The following CEP89 variants were observed in gnomAD, a reference collection of about 807,000 sequenced individuals.
CEP89 encodes the protein centrosomal protein 89, also known as centrosomal protein of 89 kDa.
Under a neutral mutation model 97.6 loss-of-function variants are expected in CEP89, and 95 were observed. The ratio of observed to expected loss-of-function variants is 0.97; its 90% CI spans 0.82 to 1.15. The LOEUF is 1.15. Among genes scored for constraint, CEP89 ranks in the 50% most tolerant of loss-of-function variants. CEP89 has a pLI of 0.00. For missense variants in CEP89, 869 were observed against 947.7 expected (o/e 0.92, Z 1.09); for synonymous variants, 354 against 349.1 (o/e 1.01, Z -0.16).
chr19:32,900,357 T>C (rs1969739199), intron 15 of CEP89, among the ~76,000 whole-genome samples: 1 of 151,862 alleles, frequency 6.6e-6, no homozygotes, highest in Non-Finnish European at 1.5e-5. Context: ...GTGATTCTCA[T>C]GCCTCAGCCT....
intron 7 of CEP89, among the ~76,000 whole-genome samples, chr19:32,934,621 GGC>G (rs1970543474): frequency 6.6e-6 from 1 of 152,190 alleles, no homozygotes; most frequent in Admixed American, 6.5e-5. Context: ...CAAAAGGTGA[GGC>G]TCAGAAATGG....
intron 15 of CEP89, 33 bp from the exon 16 acceptor site, chr19:32,900,031 GC>G: frequency 6.2e-7 from 1 of 1,610,184 alleles, no homozygotes; most frequent in Non-Finnish European, 8.5e-7. Flanking sequence ...AGAATAAAAA[GC>G]CCATTAGTTT....
intron 16 of CEP89, among the ~76,000 whole-genome samples, chr19:32,895,072 C>A (rs181074411): frequency 6.6e-6 from 1 of 152,156 alleles, no homozygotes; most frequent in African/African-American, 2.4e-5. Flanking sequence ...AATACAAATT[C>A]TCCTCAAACT....
At chr19:32,894,647 T>C (rs185819543) in intron 16 of CEP89, among the ~76,000 whole-genome samples, 7 of 152,356 alleles carry the variant, frequency 4.6e-5, no homozygotes, top group Non-Finnish European at 8.8e-5. Flanking sequence ...TAATTATACA[T>C]GTGATACATG....
At chr19:32,944,682 G>A (rs1212246071) in intron 5 of CEP89, among the ~76,000 whole-genome samples, 2 of 152,174 alleles carry the variant, frequency 1.3e-5, no homozygotes, top group Non-Finnish European at 1.5e-5. Flanking sequence ...GGGACTGTGG[G>A]ATCAAAGAAG....
Position 32,933,499 on chromosome 19 carries a change from T to C in CEP89, c.838A>G (p.Lys280Glu), listed in dbSNP as rs1970518401. Residue 280 changes from lysine (K) to glutamate (E), a missense_variant, in exon 8 of 19, where the codon AAA (lysine) becomes GAA (glutamate). By Grantham distance (56) the Lys-to-Glu change is moderately conservative. Coordinates refer to ENST00000305768, the MANE Select transcript of CEP89 (RefSeq NM_032816.5). The stretch of plus-strand genomic sequence containing the variant: ...GCCTCTTTGAGCTTTCTCTTCTCTT[T>C]TTCCATTCCCTTAAGTTTTAACTGT... The part of the protein sequence containing the change: ...ELQLKLKGME[K>E]EKRKLKEAEK... The C allele has an allele frequency of 1.9e-6, 3 of 1,614,064 alleles. No individual in the cohort carries two copies. The highest frequency in any genetic ancestry group is 2.2e-5 in the East Asian group (1 of 44,898).
chr19:32,955,664 C>A (rs981652576), intron 3 of CEP89, among the ~76,000 whole-genome samples: 11 of 152,042 alleles, frequency 7.2e-5, no homozygotes, highest in Admixed American at 3.9e-4. Context: ...CAGGCGCCTG[C>A]CACCATGCCT....
rs779556988 is a variant in CEP89 at position 32,915,337 on chromosome 19, C to T, written c.1565G>A (p.Ser522Asn). Reference sequence around the variant, plus strand: ...AAAAGAAAAAACATTAAATCCTTACCTTTTTAATTCATTCACAATTGATTT... The same window carrying T: ...AAAAGAAAAAACATTAAATCCTTACTTTTTTAATTCATTCACAATTGATTT... ...VHKSIVNELK[S>N]QLQKEEEKER... Residue 522 changes from serine (S) to asparagine (N), a missense_variant and splice_region_variant, in exon 14 of 19, where the codon AGC becomes AAC. Transcript: ENST00000305768. 1.9e-6 allele frequency: 3 copies of T among 1,578,078 alleles called. No individual in the cohort carries two copies. The highest frequency in any genetic ancestry group is 2.6e-6 in the Non-Finnish European group (3 of 1,165,428).
At chr19:32,950,312 A>T (rs1313693607) in intron 4 of CEP89, among the ~76,000 whole-genome samples, 2 of 152,166 alleles carry the variant, frequency 1.3e-5, no homozygotes, top group Non-Finnish European at 1.5e-5. Context: ...TAATCCCAGC[A>T]CTTTGGGAGG....
intron 9 of CEP89, among the ~76,000 whole-genome samples, chr19:32,930,177 G>A (rs1048237088): frequency 2.6e-5 from 4 of 151,718 alleles, no homozygotes; most frequent in African/African-American, 9.7e-5. Context: ...AGGTGCGCAC[G>A]ACCATGCCTG....
At chr19:32,905,772 A>G (rs574513090) in intron 14 of CEP89, among the ~76,000 whole-genome samples, 1 of 152,250 alleles carries the variant, frequency 6.6e-6, no homozygotes, top group African/African-American at 2.4e-5. Context: ...AGGCTAGAGT[A>G]CAGTGGTGCA....
chr19:32,924,869 T>A (rs538476444), intron 11 of CEP89, among the ~76,000 whole-genome samples: 2 of 152,324 alleles, frequency 1.3e-5, no homozygotes, highest in Admixed American at 6.5e-5. Flanking sequence ...AGAAACTGCA[T>A]GGCCTCCAAA....
intron 13 of CEP89, among the ~76,000 whole-genome samples, chr19:32,916,750 C>T (rs12980870): frequency 0.27 from 40,978 of 152,030 alleles, 5,814 homozygotes; most frequent in East Asian, 0.57. Context: ...GTGGCTCACG[C>T]CTGTAATCCT....
At chr19:32,925,251 A>ATCTACAAC in intron 11 of CEP89, among the ~76,000 whole-genome samples, 1 of 120,464 alleles carries the variant, frequency 8.3e-6, no homozygotes, top group Non-Finnish European at 1.8e-5. Context: ...CACAGGAGGC[A>ATCTACAAC]TCTACAACAC....
chr19:32,931,851 T>C (rs568728288), intron 8 of CEP89, among the ~76,000 whole-genome samples: 22 of 152,330 alleles, frequency 1.4e-4, no homozygotes, highest in Non-Finnish European at 5.9e-5. Flanking sequence ...AAAGGAATAG[T>C]CATTGTTTCA....
At chr19:32,945,978 C>T (rs1053153022) in intron 5 of CEP89, among the ~76,000 whole-genome samples, 2 of 149,396 alleles carry the variant, frequency 1.3e-5, no homozygotes, top group Non-Finnish European at 3.0e-5. Flanking sequence ...CTGGCTGAGG[C>T]TCCTCCAGAG....
At chr19:32,896,637 C>T (rs560464334) in intron 16 of CEP89, among the ~76,000 whole-genome samples, 155 of 152,124 alleles carry the variant, frequency 1.0e-3, no homozygotes, top group African/African-American at 3.6e-3. Flanking sequence ...AACTAAAAAG[C>T]TTCTGTACAG....
At chr19:32,887,643 T>C (rs1271064453) in intron 17 of CEP89, 109 bp downstream of exon 17, 3 of 684,130 alleles carry the variant, frequency 4.4e-6, no homozygotes, top group Non-Finnish European at 7.9e-6. Context: ...CTGTGGACTA[T>C]TAGTGATGCA....
chr19:32,883,086 T>C (rs1189691034), intron 17 of CEP89, among the ~76,000 whole-genome samples: 4 of 151,754 alleles, frequency 2.6e-5, no homozygotes, highest in African/African-American at 9.7e-5. Flanking sequence ...ATGGTCTCAA[T>C]CTCCTGACCT....
Sources: allele counts gnomAD v4.1 joint callset (sites outside exome capture counted in the v4.1 genomes callset), GRCh38; gene constraint gnomAD v4.1.1; transcripts MANE v1.5; gene names NCBI Gene and HGNC (gene_info 2026-07-23, HGNC 2026-07-21).